The following INSYN1 variants were observed in gnomAD, a reference collection of about 807,000 sequenced individuals.
INSYN1 encodes UPF0583 protein C15orf59.
Under a neutral mutation model 17.1 loss-of-function variants are expected in INSYN1, and 7 were observed. The ratio of observed to expected loss-of-function variants is 0.41; its 90% CI spans 0.23 to 0.77. The LOEUF (loss-of-function observed/expected upper bound fraction) is 0.77, where lower values mean the gene tolerates loss of function less well. Ranked by LOEUF, INSYN1 falls within the 30% of genes least tolerant of loss-of-function variation. INSYN1 has a pLI of 0.32. For missense variants in INSYN1, 339 were observed against 400.6 expected (o/e 0.85, Z 1.31); for synonymous variants, 174 against 166.3 (o/e 1.05, Z -0.36).
At chr15:73,742,464 T>G (rs1282407608) in intron 2 of INSYN1, among the ~76,000 whole-genome samples, 22 of 152,134 alleles carry the variant, frequency 1.4e-4, no homozygotes, top group Non-Finnish European at 2.9e-5. Context: ...ACCTCCCATC[T>G]CTGAGCACCT....
intron 2 of INSYN1, among the ~76,000 whole-genome samples, chr15:73,747,737 C>G (rs1901871528): frequency 6.6e-6 from 1 of 152,196 alleles, no homozygotes; most frequent in Non-Finnish European, 1.5e-5. Context: ...CTGAGCTGTT[C>G]TGCATCTCTT....
At chr15:73,744,879 C>T (rs1302460491) in intron 2 of INSYN1, among the ~76,000 whole-genome samples, 3 of 151,710 alleles carry the variant, frequency 2.0e-5, no homozygotes, top group African/African-American at 7.2e-5. Flanking sequence ...GGCTCAGAGA[C>T]TGGGAGGAGC....
At position 73,736,075 on chromosome 15, in the gene INSYN1, C is replaced by T. The variant is rs372405493; in HGVS notation, c.*3842G>A. On this transcript the variant is annotated 3_prime_UTR_variant, in exon 3 of 3. Coordinates refer to ENST00000569673, the MANE Select transcript of INSYN1 (RefSeq NM_001039614.3). ...GAAGCAGAGAGATCTGATGGAACAT[C>T]CTGGGTAAAGAAACTCAAAAACTGG... The T allele has an allele frequency of 2.6e-5, 4 of 152,382 alleles. No individual in the cohort carries two copies. Among genetic ancestry groups the T allele is most frequent in the Non-Finnish European group, 4.4e-5 (3 of 68,222 alleles). The allele number at this position is 152,382 out of a possible 1,614,324, so 9.4% of individuals were successfully genotyped here.
Position 73,740,026 on chromosome 15 carries a change from T to C in INSYN1, c.773A>G (p.Gln258Arg), listed in dbSNP as rs760608688. Residue 258 changes from glutamine (Q) to arginine (R), a missense_variant, in exon 3 of 3, where the codon CAG becomes CGG. Gln to Arg is a conservative substitution (Grantham distance 43, BLOSUM62 1). Coordinates refer to ENST00000569673, the MANE Select transcript of INSYN1 (RefSeq NM_001039614.3). ...RHSGSTLAPE[Q>R]TRRVTRNSST... Reference sequence around the variant, plus strand: ...GCTGTTCCTCGTGACCCTTCGAGTCTGTTCAGGGGCCAAGGTAGAGCCTGA... The same window carrying C: ...GCTGTTCCTCGTGACCCTTCGAGTCCGTTCAGGGGCCAAGGTAGAGCCTGA... 3.7e-6 allele frequency: 6 copies of C among 1,613,432 alleles called. No individual in the cohort carries two copies. The highest frequency in any genetic ancestry group is 2.2e-5 in the South Asian group (2 of 91,052).
At position 73,740,538 on chromosome 15, in the gene INSYN1, C is replaced by A; in HGVS notation, c.261G>T (p.Ala87=). The change falls in exon 3 of 3, where the codon GCG becomes GCT. Residue 87 remains alanine (A), a synonymous_variant. Coordinates refer to ENST00000569673, the MANE Select transcript of INSYN1 (RefSeq NM_001039614.3). ...CCAGGTCAAAGGGGCCACCCATGCC[C>A]GCCTTGTCACTGCTAGAGGTGCTGC... The part of the protein sequence containing the change: ...TVSSTSSSDK[A]GMGGPFDLGH... 6.2e-7 allele frequency: 1 copy of A among 1,614,160 alleles called. No homozygotes were observed. The highest frequency in any genetic ancestry group is 8.5e-7 in the Non-Finnish European group (1 of 1,180,034).
At chr15:73,747,995 G>A (rs1325413878) in intron 2 of INSYN1, among the ~76,000 whole-genome samples, 2 of 152,198 alleles carry the variant, frequency 1.3e-5, no homozygotes, top group African/African-American at 4.8e-5. Flanking sequence ...AGCTATAGTA[G>A]GGGTTTGCGA....
In INSYN1 at chr15:73,752,924, G is replaced by C. The variant is rs1388290660; in HGVS notation, c.-1382C>G. ...GCAGCGCCGGGCGGAGGAGAGGAGA[G>C]GAGGCGAGAAGAGGCGAGGGGAGGA... is the stretch of plus-strand genomic sequence containing the variant. On this transcript the variant is annotated 5_prime_UTR_variant, in exon 1 of 3. Transcript: ENST00000569673. The surrounding 1 kb of genome is among the most constrained non-coding windows in gnomAD (Gnocchi z 5.2). Among the ~76,000 whole-genome samples, 3 of 150,222 alleles carry C rather than the reference G, an allele frequency of 2.0e-5. No individual in the cohort carries two copies. The highest frequency in any genetic ancestry group is 7.3e-5 in the African/African-American group (3 of 41,108).
chr15:73,745,702 G>A (rs967590771), intron 2 of INSYN1, among the ~76,000 whole-genome samples: 2 of 152,112 alleles, frequency 1.3e-5, no homozygotes, highest in African/African-American at 2.4e-5. Flanking sequence ...AAAACTACTC[G>A]GGAGGCTGAG....
At position 73,736,993 on chromosome 15, in the gene INSYN1, T is replaced by C. The variant is rs75622828; in HGVS notation, c.*2924A>G. On this transcript the variant is annotated 3_prime_UTR_variant, in exon 3 of 3. Coordinates refer to ENST00000569673, the MANE Select transcript of INSYN1 (RefSeq NM_001039614.3). ...GACTGGGTGTAGCAAAATTGTGAAGTCAGCCAAGTACTACCTATATCCCAC... is the reference window on the plus strand; with the variant it reads ...GACTGGGTGTAGCAAAATTGTGAAGCCAGCCAAGTACTACCTATATCCCAC... 7.2e-5 allele frequency: 11 copies of C among 152,396 alleles called. No individual in the cohort carries two copies. The East Asian group carries it at 1.7e-3, about 24-fold the overall frequency. 9.4% of individuals were successfully genotyped at this position (152,396 alleles called of 1,614,324 possible). A position where few individuals can be genotyped will look rare whatever the true frequency, so the allele number is the denominator to read the frequency against.
intron 2 of INSYN1, among the ~76,000 whole-genome samples, chr15:73,749,425 T>C (rs1004420138): frequency 2.6e-5 from 4 of 152,164 alleles, no homozygotes; most frequent in Non-Finnish European, 5.9e-5. Flanking sequence ...GCCTGGAAGA[T>C]GCCCAACTGG....
At chr15:73,743,647 G>A (rs1419270356) in intron 2 of INSYN1, among the ~76,000 whole-genome samples, 3 of 151,492 alleles carry the variant, frequency 2.0e-5, no homozygotes, top group East Asian at 1.9e-4. Flanking sequence ...GTGAAATCCC[G>A]TCTCTACTAA....
rs1358035343 is a variant in INSYN1 at position 73,738,213 on chromosome 15, T to C, written c.*1704A>G. 1 of 152,240 alleles carries C rather than the reference T, an allele frequency of 6.6e-6. No homozygotes were observed. The highest frequency in any genetic ancestry group is 1.5e-5 in the Non-Finnish European group (1 of 68,060). 9.4% of individuals were successfully genotyped at this position (152,240 alleles called of 1,614,324 possible). On this transcript the variant is annotated 3_prime_UTR_variant, in exon 3 of 3. Coordinates refer to ENST00000569673, the MANE Select transcript of INSYN1 (RefSeq NM_001039614.3). ...TAGGTGAAGACTACCAGACCCATTA[T>C]ACAGAGGAGGTAGATAGGCTCAGAG...
In INSYN1 at chr15:73,751,325, G is replaced by C; in HGVS notation, c.-195C>G. 1 of 609,404 alleles carries C rather than the reference G, an allele frequency of 1.6e-6. No individual in the cohort carries two copies. Among genetic ancestry groups the C allele is most frequent in the Non-Finnish European group, 2.9e-6 (1 of 347,104 alleles). 37.7% of individuals were successfully genotyped at this position (609,404 alleles called of 1,614,324 possible). ...CTCCTCTGCCTCTGGGTGGAGAGTG[G>C]GACACCCAGAGGGAGACAGAGTCTA... On this transcript the variant is annotated 5_prime_UTR_variant, in exon 2 of 3. Coordinates refer to ENST00000569673, the MANE Select transcript of INSYN1 (RefSeq NM_001039614.3).
In INSYN1 at chr15:73,740,575, G is replaced by A. The variant is rs148395446; in HGVS notation, c.224C>T (p.Thr75Met). Residue 75 changes from threonine (T) to methionine (M), a missense_variant, in exon 3 of 3, where the codon ACG (threonine) becomes ATG (methionine). Thr to Met is a moderately conservative substitution (Grantham distance 81). Coordinates refer to ENST00000569673, the MANE Select transcript of INSYN1 (RefSeq NM_001039614.3). The part of the protein sequence containing the change: ...DFELEPDDWT[T>M]ATVSSTSSSD... The stretch of plus-strand genomic sequence containing the variant: ...GCTAGAGGTGCTGCTCACAGTGGCC[G>A]TGGTCCAGTCGTCCGGCTCCAGTTC... 190 of 1,614,084 alleles carry A rather than the reference G, an allele frequency of 1.2e-4. No homozygotes were observed. The African/African-American group carries it at 1.8e-3, about 15-fold the overall frequency.
At chr15:73,748,161 A>G (rs1291043826) in intron 2 of INSYN1, among the ~76,000 whole-genome samples, 1 of 152,138 alleles carries the variant, frequency 6.6e-6, no homozygotes, top group African/African-American at 2.4e-5. Context: ...TTCAGAGATG[A>G]GCAAACTGAG....
intron 2 of INSYN1, among the ~76,000 whole-genome samples, chr15:73,745,321 C>A (rs749574443): frequency 6.6e-6 from 1 of 152,058 alleles, no homozygotes; most frequent in Non-Finnish European, 1.5e-5. Flanking sequence ...CCTACACACT[C>A]ACACTCCATC....
intron 2 of INSYN1, among the ~76,000 whole-genome samples, chr15:73,750,744 T>C (rs1441567622): frequency 2.0e-5 from 3 of 152,154 alleles, no homozygotes; most frequent in African/African-American, 7.2e-5. Flanking sequence ...CCCACTGACA[T>C]GCTGCTCAAG....
chr15:73,740,181 A>C lies in INSYN1; in HGVS notation c.618T>G (p.Gly206=). 1 of 1,613,822 alleles carries C rather than the reference A, an allele frequency of 6.2e-7. No individual in the cohort carries two copies. The highest frequency in any genetic ancestry group is 1.7e-4 in the Middle Eastern group (1 of 6,060). ...CTTCTTCCTCCTCCACCTCCTGCTC[A>C]CCGTCCCCCTCCTCATCGTCACAGC... is the stretch of plus-strand genomic sequence containing the variant. The part of the protein sequence containing the change: ...ALCCDDEEGD[G]EQEVEEEEVG... Residue 206 remains glycine (G), a synonymous_variant, in exon 3 of 3, where the codon GGT becomes GGG. Transcript: ENST00000569673.
chr15:73,739,400 G>C lies in INSYN1; in HGVS notation c.*517C>G, dbSNP rs1901614329. The C allele has an allele frequency of 6.6e-6, 1 of 152,314 alleles. No homozygotes were observed. Among genetic ancestry groups the C allele is most frequent in the African/African-American group, 2.4e-5 (1 of 41,460 alleles). 9.4% of individuals were successfully genotyped at this position (152,314 alleles called of 1,614,324 possible). On this transcript the variant is annotated 3_prime_UTR_variant, in exon 3 of 3. Transcript: ENST00000569673. ...GGACTGTGTATAGCCGAGTAAGTCT[G>C]CCTTGGAGTAGAAGGATGGTGGGTG...
Sources: allele counts gnomAD v4.1 joint callset (sites outside exome capture counted in the v4.1 genomes callset), GRCh38; gene constraint gnomAD v4.1.1; non-coding constraint Gnocchi (gnomAD v3.1); transcripts MANE v1.5; gene names NCBI Gene and HGNC (gene_info 2026-07-23, HGNC 2026-07-21).